The following ZFYVE16 variants were observed in gnomAD, a reference collection of about 807,000 sequenced individuals.
ZFYVE16 encodes the protein zinc finger FYVE-type containing 16.
Under a neutral mutation model 138.1 loss-of-function variants are expected in ZFYVE16, and 89 were observed. The ratio of observed to expected loss-of-function variants is 0.64; its 90% CI spans 0.54 to 0.77. ZFYVE16 has a LOEUF of 0.77. ZFYVE16 is among the 30% of genes least tolerant of loss of function. The pLI is 0.00. For missense variants in ZFYVE16, 1,793 were observed against 1,786.7 expected, an observed-to-expected ratio of 1.00 and a Z score of -0.06; for synonymous variants, 596 against 618.3, an observed-to-expected ratio of 0.96 and a Z score of 0.53.
At chr5:80,446,976 A>G (rs1751423449) in intron 7 of ZFYVE16, among the ~76,000 whole-genome samples, 1 of 151,950 alleles carries the variant, frequency 6.6e-6, no homozygotes, top group Non-Finnish European at 1.5e-5. Flanking sequence ...AAAGATGGAT[A>G]CTAGGCCTGG....
At chr5:80,443,312 TA>T (rs1247942036) in intron 6 of ZFYVE16, 28 bp downstream of exon 6, 1 of 1,584,732 alleles carries the variant, frequency 6.3e-7, no homozygotes, top group African/African-American at 1.4e-5. Context: ...TGTCTTAGAC[TA>T]AAGATAAATT....
chr5:80,442,404 G>A (rs901760185), intron 5 of ZFYVE16, among the ~76,000 whole-genome samples: 1 of 152,284 alleles, frequency 6.6e-6, no homozygotes, highest in East Asian at 1.9e-4. Context: ...CACCGTGCCT[G>A]GTCTTAGGTG....
chr5:80,409,835 A>G (rs945068940), intron 1 of ZFYVE16: 12 of 152,144 alleles, frequency 7.9e-5, no homozygotes, highest in African/African-American at 2.7e-4. Flanking sequence ...CCATTTTTGG[A>G]TTGGTGGGCT....
At chr5:80,457,124 A>G (rs746723570) in intron 14 of ZFYVE16, 32 bp downstream of exon 14, 8 of 1,601,056 alleles carry the variant, frequency 5.0e-6, no homozygotes, top group Non-Finnish European at 6.8e-6. Context: ...GCTAATTTAC[A>G]AAACCACCTC....
chr5:80,426,029 A>G (rs1006668681), intron 1 of ZFYVE16, among the ~76,000 whole-genome samples: 15 of 152,278 alleles, frequency 9.9e-5, no homozygotes, highest in Admixed American at 4.6e-4. Context: ...GTTACAAAGT[A>G]TATTTTGTAA....
At chr5:80,434,803 A>C (rs1450993585) in intron 3 of ZFYVE16, among the ~76,000 whole-genome samples, 1 of 152,200 alleles carries the variant, frequency 6.6e-6, no homozygotes, top group Non-Finnish European at 1.5e-5. Flanking sequence ...AGCTAAAAGC[A>C]ACTTGAGAGT....
chr5:80,443,641 G>A (rs1310149998), intron 6 of ZFYVE16, among the ~76,000 whole-genome samples: 2 of 152,168 alleles, frequency 1.3e-5, no homozygotes, highest in Non-Finnish European at 2.9e-5. Flanking sequence ...GTACTCAGAT[G>A]ACTAAAGTAG....
At chr5:80,407,918 CGTA>C (rs1480091800), upstream of ZFYVE16, 1 of 152,354 alleles carries the variant, frequency 6.6e-6, no homozygotes, top group Non-Finnish European at 1.5e-5. Context: ...GAACCTGCGT[CGTA>C]GTGCGCAAGC....
At chr5:80,477,192 C>CT in intron 18 of ZFYVE16, 27 bp from the exon 19 acceptor site, 1 of 1,561,962 alleles carries the variant, frequency 6.4e-7, no homozygotes. Flanking sequence ...TGCTCATTTT[C>CT]TTATCAAGAA....
intron 14 of ZFYVE16, among the ~76,000 whole-genome samples, chr5:80,457,996 C>T (rs903863300): frequency 7.4e-5 from 11 of 147,904 alleles, no homozygotes; most frequent in South Asian, 2.1e-4. Flanking sequence ...ACTGCACTCC[C>T]GCCTGAGCGA....
In ZFYVE16 at chr5:80,481,911, C is replaced by G. The variant is rs1201175413; in HGVS notation, c.*4534C>G. Among the ~76,000 whole-genome samples, 1 of 152,210 alleles carries G rather than the reference C, an allele frequency of 6.6e-6. No homozygotes were observed. The highest frequency in any genetic ancestry group is 1.5e-5 in the Non-Finnish European group (1 of 68,032). On this transcript the variant is annotated 3_prime_UTR_variant, in exon 19 of 19. Transcript: ENST00000505560. The stretch of plus-strand genomic sequence containing the variant: ...CTTGGCTCACTGCAACCTCCACCCC[C>G]AGGGTGCAAGTGATTCTCCTGTCTC...
Position 80,481,424 on chromosome 5 carries a change from CA to C in ZFYVE16, c.*4050del, listed in dbSNP as rs1347793807. Among the ~76,000 whole-genome samples, 1 of 152,108 alleles carries C rather than the reference CA, an allele frequency of 6.6e-6. No individual in the cohort carries two copies. Among genetic ancestry groups the C allele is most frequent in the African/African-American group, 2.4e-5 (1 of 41,398 alleles). On this transcript the variant is annotated 3_prime_UTR_variant, in exon 19 of 19. Transcript: ENST00000505560. ...GTGAAACTAACCAGAAGCAGCTGAG[CA>C]AAGGTTCTGAACACTGAATTACAGT... is the stretch of plus-strand genomic sequence containing the variant.
chr5:80,462,462 CT>C (rs1469053976), intron 15 of ZFYVE16, among the ~76,000 whole-genome samples: 1 of 152,184 alleles, frequency 6.6e-6, no homozygotes, highest in Non-Finnish European at 1.5e-5. Flanking sequence ...ATGGGGGAAA[CT>C]GCCCCCATGA....
chr5:80,416,574 AT>A (rs1746291862), intron 1 of ZFYVE16, among the ~76,000 whole-genome samples: 1 of 140,958 alleles, frequency 7.1e-6, no homozygotes, highest in South Asian at 2.2e-4. Flanking sequence ...TTTTTTTTTA[AT>A]GTGTTGGGTT....
In ZFYVE16 at chr5:80,437,482, G is replaced by A; in HGVS notation, c.797G>A (p.Ser266Asn). ...FHAKDKLQHK[S>N]QPCGLLKDVG... ...GCCAAAGACAAGCTACAACACAAGA[G>A]CCAGCCATGTGGATTACTAAAAGAT... Residue 266 changes from serine to asparagine, a missense_variant, in exon 4 of 19, where the codon AGC (serine) becomes AAC (asparagine). Ser to Asn is a conservative substitution (Grantham distance 46, BLOSUM62 1). This residue lies in a region of ZFYVE16 where 1,295 missense variants were observed against 1,204.3 expected (regional missense o/e 1.08). Transcript: ENST00000505560. The A allele has an allele frequency of 6.2e-7, 1 of 1,610,188 alleles. No individual in the cohort carries two copies. The highest frequency in any genetic ancestry group is 8.5e-7 in the Non-Finnish European group (1 of 1,178,654).
chr5:80,465,424 T>TTTTTTTTTTTTTTAG (rs1753636729), intron 15 of ZFYVE16, among the ~76,000 whole-genome samples: 1 of 136,248 alleles, frequency 7.3e-6, no homozygotes, highest in Non-Finnish European at 1.6e-5. Flanking sequence ...TTTTTTTTTT[T>TTTTTTTTTTTTTTAG]GAGACAGGAT....
Position 80,438,953 on chromosome 5 carries a change from C to T in ZFYVE16, c.2268C>T (p.Cys756=), listed in dbSNP as rs770983909. The T allele has an allele frequency of 1.2e-6, 2 of 1,613,684 alleles. No homozygotes were observed. The highest frequency in any genetic ancestry group is 1.1e-5 in the South Asian group (1 of 91,024). The part of the protein sequence containing the change: ...PDSEAPNCMN[C]QVKFTFTKRR... ...CAGAAGCTCCAAACTGTATGAACTGCCAAGTCAAATTTACTTTTACCAAAC... is the reference window on the plus strand; with the variant it reads ...CAGAAGCTCCAAACTGTATGAACTGTCAAGTCAAATTTACTTTTACCAAAC... Residue 756 remains cysteine (C), a synonymous_variant, in exon 4 of 19, where the codon TGC becomes TGT. Coordinates refer to ENST00000505560, the MANE Select transcript of ZFYVE16 (RefSeq NM_001284236.3).
intron 5 of ZFYVE16, among the ~76,000 whole-genome samples, chr5:80,442,786 G>A (rs1190459132): frequency 1.3e-5 from 2 of 152,282 alleles, no homozygotes; most frequent in South Asian, 4.1e-4. Flanking sequence ...ATGTCTAAAA[G>A]AATCTCTCTA....
intron 7 of ZFYVE16, among the ~76,000 whole-genome samples, chr5:80,446,337 A>T (rs1453670556): frequency 6.6e-6 from 1 of 152,152 alleles, no homozygotes; most frequent in Non-Finnish European, 1.5e-5. Flanking sequence ...CTATATTAAA[A>T]TTAAAATTCA....
Sources: allele counts gnomAD v4.1 joint callset (sites outside exome capture counted in the v4.1 genomes callset), GRCh38; gene constraint gnomAD v4.1.1; regional missense constraint gnomAD v4.1.1; transcripts MANE v1.5; gene names NCBI Gene and HGNC (gene_info 2026-07-23, HGNC 2026-07-21).